NOX5: variants seen among roughly 807,000 people sequenced by gnomAD.
The protein encoded by NOX5 is NADPH oxidase 5.
A neutral mutation model predicts 85.7 loss-of-function variants in NOX5; 76 were observed. That is an observed-to-expected ratio of 0.89 (90% CI 0.74 to 1.07). The LOEUF (loss-of-function observed/expected upper bound fraction) is 1.07, where lower values mean the gene tolerates loss of function less well. Among genes scored for constraint, NOX5 ranks in the 50% least tolerant of loss-of-function variants. The pLI, the probability that NOX5 is intolerant of heterozygous loss-of-function variation, is 0.00. For synonymous variants in NOX5, 405 were observed against 401.4 expected (o/e 1.01, Z -0.11); for missense variants, 973 against 999.5 (o/e 0.97, Z 0.36).
chr15:69,035,940 C>T lies in NOX5; in HGVS notation c.1188+4C>T. On this transcript the variant is annotated splice_donor_region_variant and intron_variant, in intron 7 of 15. Coordinates refer to ENST00000388866, the MANE Select transcript of NOX5 (RefSeq NM_024505.4). ...CCGCAGGAGTGGCCACTTTGAGGTG[C>T]CCCAGTTGCTGCCCTTTTGCTTCCC... 2 of 1,613,798 alleles carry T rather than the reference C, an allele frequency of 1.2e-6. No homozygotes were observed. Among genetic ancestry groups the T allele is most frequent in the East Asian group, 2.2e-5 (1 of 44,874 alleles).
intron 15 of NOX5, 98 bp from the exon 16 acceptor site, chr15:69,056,467 C>G (rs1595794100): frequency 1.3e-6 from 2 of 1,487,352 alleles, no homozygotes; most frequent in East Asian, 2.3e-5. Flanking sequence ...TCATTGCTGC[C>G]GACCCGTTAT....
At chr15:69,024,938 T>C (rs2050338108) in intron 1 of NOX5, among the ~76,000 whole-genome samples, 1 of 152,230 alleles carries the variant, frequency 6.6e-6, no homozygotes. Context: ...GTGTGTGATA[T>C]GTATTTCATT....
rs1377282520 is a variant in NOX5, at chr15:69,035,646, A to G, written c.1010-112A>G. 3.2e-6 allele frequency: 5 copies of G among 1,557,366 alleles called. No homozygotes were observed. In the East Asian group the frequency reaches 9.0e-5, roughly 28 times the overall value. On this transcript the variant is annotated intron_variant, in intron 6 of 15. Transcript: ENST00000388866. Reference sequence around the variant, plus strand: ...CCTGGATAAGCCAACGCTCTGGACAAAAGTTTCTGCCCGTGCTAGTATCTG... The same window carrying G: ...CCTGGATAAGCCAACGCTCTGGACAGAAGTTTCTGCCCGTGCTAGTATCTG...
intron 8 of NOX5, 130 bp downstream of exon 8, chr15:69,037,340 A>G (rs1567100907): frequency 4.2e-6 from 4 of 963,750 alleles, no homozygotes; most frequent in Non-Finnish European, 3.0e-6. Flanking sequence ...CCCCATTGCT[A>G]TGGAGGAGAG....
chr15:69,052,128 G>A (rs1363662561), intron 14 of NOX5, among the ~76,000 whole-genome samples: 3 of 151,834 alleles, frequency 2.0e-5, no homozygotes, highest in Non-Finnish European at 4.4e-5. Flanking sequence ...TGAGGTGGGA[G>A]GATCACTTGA....
At chr15:69,032,977 T>C in intron 4 of NOX5, 66 bp from the exon 5 acceptor site, 1 of 1,511,160 alleles carries the variant, frequency 6.6e-7, no homozygotes, top group Non-Finnish European at 8.7e-7. Flanking sequence ...AGGGGGTCTT[T>C]AAGTTAAGAC....
chr15:69,045,536 T>TCTTTCTTTCTTTCTTTCTTTC (rs1555437202), intron 10 of NOX5, among the ~76,000 whole-genome samples: 11 of 94,470 alleles, frequency 1.2e-4, no homozygotes, highest in African/African-American at 2.0e-4. Flanking sequence ...TTCCTTTCTT[T>TCTTTCTTTCTTTCTTTCTTTC]TTTCTTTCTT....
At position 69,031,668 on chromosome 15, in the gene NOX5, T is replaced by A. The variant is rs1483846623; in HGVS notation, c.476T>A (p.Ile159Asn). The A allele has an allele frequency of 6.2e-7, 1 of 1,613,374 alleles. No individual in the cohort carries two copies. The highest frequency in any genetic ancestry group is 2.2e-5 in the East Asian group (1 of 44,882). Residue 159 changes from isoleucine (I) to asparagine (N), a missense_variant, in exon 4 of 16, where the codon ATC (isoleucine) becomes AAC (asparagine). Transcript: ENST00000388866. The stretch of plus-strand genomic sequence containing the variant: ...CAGTCGTGTCTGCGCGAGAGCGCCA[T>A]CTCGCTGCCTGACGAGAAGCTGGAC... The part of the protein sequence containing the change: ...VLQSCLRESA[I>N]SLPDEKLDQL...
chr15:69,054,877 G>A (rs1416571401), intron 14 of NOX5, among the ~76,000 whole-genome samples: 2 of 152,154 alleles, frequency 1.3e-5, no homozygotes, highest in Non-Finnish European at 2.9e-5. Context: ...GAGCTTTGGA[G>A]CCCAGGGACT....
intron 8 of NOX5, among the ~76,000 whole-genome samples, chr15:69,038,643 G>A (rs977333608): frequency 2.0e-5 from 3 of 152,266 alleles, no homozygotes; most frequent in Admixed American, 6.5e-5. Flanking sequence ...TTCAGACACA[G>A]CCTGGCTGCC....
In NOX5 at chr15:69,047,426, G is replaced by A; in HGVS notation, c.1706G>A (p.Gly569Glu). The A allele has an allele frequency of 1.9e-6, 3 of 1,613,418 alleles. No individual in the cohort carries two copies. The highest frequency in any genetic ancestry group is 2.5e-6 in the Non-Finnish European group (3 of 1,179,872). Residue 569 changes from glycine to glutamate, a missense_variant, in exon 12 of 16, where the codon GGG becomes GAG. Transcript: ENST00000388866. ...KFCNIKCYID[G>E]PYGTPTRRIF... is the part of the protein sequence containing the mutation. Reference sequence around the variant, plus strand: ...TCTTGTGCACAGTGCTACATCGATGGGCCTTATGGGACCCCCACCCGCAGG... The same window carrying A: ...TCTTGTGCACAGTGCTACATCGATGAGCCTTATGGGACCCCCACCCGCAGG...
intron 1 of NOX5, among the ~76,000 whole-genome samples, chr15:69,025,830 T>G (rs751290668): frequency 2.0e-5 from 3 of 152,192 alleles, no homozygotes; most frequent in Non-Finnish European, 2.9e-5. Context: ...TAGATCATAG[T>G]ACAGACAGCC....
intron 8 of NOX5, chr15:69,038,413 G>A (rs929458367): frequency 2.0e-5 from 4 of 201,954 alleles, no homozygotes; most frequent in African/African-American, 9.5e-5. Context: ...CAACTGCTGT[G>A]AGGCCTAGAG....
intron 13 of NOX5, among the ~76,000 whole-genome samples, chr15:69,048,738 C>A (rs972540294): frequency 2.0e-5 from 3 of 152,134 alleles, no homozygotes; most frequent in African/African-American, 7.2e-5. Context: ...TAGAGAAAAT[C>A]CCCGCCTTGG....
At chr15:69,026,718 C>A in intron 2 of NOX5, 67 bp downstream of exon 2, 3 of 1,604,774 alleles carry the variant, frequency 1.9e-6, no homozygotes, top group Non-Finnish European at 2.6e-6. Context: ...AGGGCATAGC[C>A]CTTACAGGGA....
chr15:69,048,098 G>A (rs2050698765), intron 13 of NOX5, among the ~76,000 whole-genome samples, 187 bp downstream of exon 13: 1 of 152,174 alleles, frequency 6.6e-6, no homozygotes, highest in African/African-American at 2.4e-5. Context: ...TCTGAGCTCC[G>A]CCCCTGCTTC....
chr15:69,014,861 C>T, intron 1 of NOX5, 76 bp downstream of exon 1: 2 of 1,068,316 alleles, frequency 1.9e-6, no homozygotes, highest in Non-Finnish European at 1.4e-6. Flanking sequence ...GTGGGATCTA[C>T]AAAAGGTAAC....
In NOX5 at chr15:69,028,066, G is replaced by A. The variant is rs311903; in HGVS notation, c.175-149G>A. 2.1e-3 allele frequency: 1,653 copies of A among 784,622 alleles called. 14 individuals carry two copies. The African/African-American group carries it at 0.024, about 11-fold the overall frequency. The allele number at this position is 784,622 out of a possible 1,614,324, so 48.6% of individuals were successfully genotyped here. A position where few individuals can be genotyped will look rare whatever the true frequency, so the allele number is the denominator to read the frequency against. On this transcript the variant is annotated intron_variant, in intron 2 of 15. Coordinates refer to ENST00000388866, the MANE Select transcript of NOX5 (RefSeq NM_024505.4). ...TCTTCCATTAGAGCAGATCACGATG[G>A]GTGTTCAGGCACCTGAGTTCTGCCT...
Position 69,038,989 on chromosome 15 carries a change from G to C in NOX5, c.1504G>C (p.Asp502His), listed in dbSNP as rs374464869. ...FTISSAPEQK[D>H]TIWLHIRSQG... The stretch of plus-strand genomic sequence containing the variant: ...CATCAGCAGTGCTCCTGAGCAGAAA[G>C]GTAATGGCCACCTCCTCCAGTCACT... Residue 502 changes from aspartate (D) to histidine (H), a missense_variant and splice_region_variant, in exon 9 of 16, where the codon GAC becomes CAC. Asp to His is a moderately conservative substitution (Grantham distance 81, BLOSUM62 -1). Transcript: ENST00000388866. 2 of 1,614,124 alleles carry C rather than the reference G, an allele frequency of 1.2e-6. No homozygotes were observed. Among genetic ancestry groups the C allele is most frequent in the South Asian group, 2.2e-5 (2 of 91,078 alleles).
Sources: allele counts gnomAD v4.1 joint callset (sites outside exome capture counted in the v4.1 genomes callset), GRCh38; gene constraint gnomAD v4.1.1; transcripts MANE v1.5; gene names NCBI Gene and HGNC (gene_info 2026-07-23, HGNC 2026-07-21).